GPC5: variants seen among roughly 807,000 people sequenced by gnomAD.
The protein encoded by GPC5 is glypican 5.
GPC5 carries 47 observed loss-of-function variants against 53.9 expected under a neutral mutation model. The observed-to-expected ratio is 0.87, with a 90% CI of 0.69 to 1.11. The LOEUF (loss-of-function observed/expected upper bound fraction) is 1.11, where lower values mean the gene tolerates loss of function less well. Ranked by LOEUF, GPC5 falls within the 50% of genes most tolerant of loss-of-function variation. The pLI, the probability that GPC5 is intolerant of heterozygous loss-of-function variation, is 0.00. For synonymous variants in GPC5, 286 were observed against 263.3 expected (o/e 1.09, Z -0.84); for missense variants, 748 against 713.1 (o/e 1.05, Z -0.56).
chr13:92,717,594 G>A (rs1314358204), intron 7 of GPC5, among the ~76,000 whole-genome samples: 1 of 152,120 alleles, frequency 6.6e-6, no homozygotes, highest in African/African-American at 2.4e-5. Context: ...CATCAAATGT[G>A]TATTTTCTTC....
intron 7 of GPC5, among the ~76,000 whole-genome samples, chr13:92,538,271 C>T (rs1283932455): frequency 6.6e-6 from 1 of 151,792 alleles, no homozygotes; most frequent in Non-Finnish European, 1.5e-5. Context: ...TCTCTCCTCC[C>T]CTTTTCCTCC....
At chr13:92,109,606 A>G (rs560601751) in intron 6 of GPC5, among the ~76,000 whole-genome samples, 6 of 152,306 alleles carry the variant, frequency 3.9e-5, no homozygotes, top group African/African-American at 1.4e-4. Context: ...TAGAATGATG[A>G]GACACTAAAA....
chr13:91,684,253 C>T (rs1179450249), intron 2 of GPC5, among the ~76,000 whole-genome samples: 1 of 152,146 alleles, frequency 6.6e-6, no homozygotes. Context: ...TAACTTTATT[C>T]TCCATAACAG....
intron 5 of GPC5, among the ~76,000 whole-genome samples, chr13:91,885,942 T>A (rs1403509599): frequency 1.3e-5 from 2 of 151,612 alleles, no homozygotes; most frequent in Admixed American, 1.3e-4. Flanking sequence ...AGGTTCCTTT[T>A]TCTTGTATAC....
chr13:92,839,504 TC>T (rs899774933), intron 7 of GPC5, among the ~76,000 whole-genome samples: 3 of 151,952 alleles, frequency 2.0e-5, no homozygotes, highest in African/African-American at 7.3e-5. Context: ...CTCTATGTGT[TC>T]ATGTGTTCTC....
chr13:91,828,694 A>T (rs755211899), intron 5 of GPC5, among the ~76,000 whole-genome samples: 35 of 152,062 alleles, frequency 2.3e-4, no homozygotes, highest in Non-Finnish European at 4.4e-4. Context: ...GAAGCTCCAA[A>T]TGTACACACC....
intron 6 of GPC5, among the ~76,000 whole-genome samples, chr13:92,084,331 A>G (rs779580514): frequency 1.9e-4 from 29 of 152,204 alleles, no homozygotes; most frequent in Non-Finnish European, 3.8e-4. Flanking sequence ...TTGTCTTGCT[A>G]TATCACGTGG....
At chr13:92,545,044 T>C (rs918435524) in intron 7 of GPC5, among the ~76,000 whole-genome samples, 12 of 152,096 alleles carry the variant, frequency 7.9e-5, no homozygotes. Flanking sequence ...GCATTAGGTA[T>C]ATCTCCTAAT....
chr13:92,283,957 GT>G (rs1440879769), intron 7 of GPC5, among the ~76,000 whole-genome samples: 1 of 152,136 alleles, frequency 6.6e-6, no homozygotes, highest in African/African-American at 2.4e-5. Flanking sequence ...CCAGGATCTG[GT>G]TTTTTGAAAA....
intron 5 of GPC5, among the ~76,000 whole-genome samples, chr13:91,882,670 G>GTTTTTTTTTTTTTTTTTTTTTTGTTTTT: frequency 1.7e-5 from 1 of 59,318 alleles, no homozygotes; most frequent in African/African-American, 7.1e-5. Flanking sequence ...TGTTTTTTGG[G>GTTTTTTTTTTTTTTTTTTTTTTGTTTTT]TTTTTTTTTT....
chr13:91,585,339 A>G (rs926273584), intron 2 of GPC5, among the ~76,000 whole-genome samples: 2 of 152,216 alleles, frequency 1.3e-5, no homozygotes, highest in Non-Finnish European at 2.9e-5. Flanking sequence ...GAGATGTAAA[A>G]CAAAGTTCAT....
intron 1 of GPC5, among the ~76,000 whole-genome samples, chr13:91,417,186 G>A (rs988091271): frequency 6.6e-6 from 1 of 152,126 alleles, no homozygotes; most frequent in Non-Finnish European, 1.5e-5. Flanking sequence ...CTGTAGGGAG[G>A]AAGGTACAAC....
At chr13:91,604,572 G>A (rs1206526382) in intron 2 of GPC5, among the ~76,000 whole-genome samples, 1 of 139,178 alleles carries the variant, frequency 7.2e-6, no homozygotes, top group East Asian at 2.1e-4. Context: ...CCCACCAACA[G>A]TGTAAAAGTG....
chr13:91,704,415 C>G (rs1404095445), intron 3 of GPC5, among the ~76,000 whole-genome samples: 1 of 152,214 alleles, frequency 6.6e-6, no homozygotes, highest in Non-Finnish European at 1.5e-5. Context: ...ACAGAGCATT[C>G]CTAGGGGATC....
chr13:92,838,488 C>CA lies in GPC5; in HGVS notation c.1562-27783dup, dbSNP rs59632518. On this transcript the variant is annotated intron_variant, in intron 7 of 7. Transcript: ENST00000377067. ...ACAGAGTGAGACTCCGCGCCCCCCCCAAAAAAAAAAAGAAAAAAAAGAAAG... is the reference window on the plus strand; with the variant it reads ...ACAGAGTGAGACTCCGCGCCCCCCCCAAAAAAAAAAAAGAAAAAAAAGAAAG... Among the ~76,000 whole-genome samples the CA allele has an allele frequency of 1.6e-3, 220 of 137,708 alleles. 1 individual carries two copies. Among genetic ancestry groups the CA allele is most frequent in the Middle Eastern group, 3.6e-3 (1 of 274 alleles). The allele number at this position is 137,708 out of a possible 152,430, so 90.3% of individuals were successfully genotyped here.
At chr13:91,485,169 A>T (rs1013678008) in intron 2 of GPC5, among the ~76,000 whole-genome samples, 1 of 151,700 alleles carries the variant, frequency 6.6e-6, no homozygotes, top group Non-Finnish European at 1.5e-5. Context: ...AATTTTCCTA[A>T]ATAATCTGCT....
At chr13:92,625,810 GC>G (rs1353081544) in intron 7 of GPC5, among the ~76,000 whole-genome samples, 1 of 152,158 alleles carries the variant, frequency 6.6e-6, no homozygotes, top group Non-Finnish European at 1.5e-5. Context: ...CATTATCTAA[GC>G]TTTTGGTCCA....
intron 5 of GPC5, among the ~76,000 whole-genome samples, chr13:91,779,374 G>A (rs1384462822): frequency 6.7e-6 from 1 of 149,332 alleles, no homozygotes; most frequent in Non-Finnish European, 1.5e-5. Context: ...TTTTACTTTT[G>A]TTTTGAAACA....
At chr13:92,648,226 C>G (rs1415309507) in intron 7 of GPC5, among the ~76,000 whole-genome samples, 1 of 152,002 alleles carries the variant, frequency 6.6e-6, no homozygotes, top group Non-Finnish European at 1.5e-5. Flanking sequence ...CTCTATACAC[C>G]TCTTATTAGA....
Sources: allele counts gnomAD v4.1 joint callset (sites outside exome capture counted in the v4.1 genomes callset), GRCh38; gene constraint gnomAD v4.1.1; transcripts MANE v1.5; gene names NCBI Gene and HGNC (gene_info 2026-07-23, HGNC 2026-07-21).